OCA2: variants seen among roughly 807,000 people sequenced by gnomAD.
OCA2 encodes OCA2 melanosomal transmembrane protein.
In OCA2, 77 loss-of-function variants were observed where a neutral mutation model predicts 100.2. That is an observed-to-expected ratio of 0.77 (90% CI 0.64 to 0.93). The LOEUF (loss-of-function observed/expected upper bound fraction) is 0.93. Ranked by LOEUF, OCA2 falls within the 40% of genes least tolerant of loss-of-function variation. The pLI is 0.00. For missense variants in OCA2, 1,062 were observed against 1,089.1 expected (o/e 0.98, Z 0.35); for synonymous variants, 432 against 439.2 (o/e 0.98, Z 0.21).
At chr15:28,021,201 C>G (rs1363561750) in intron 6 of OCA2, among the ~76,000 whole-genome samples, 1 of 152,182 alleles carries the variant, frequency 6.6e-6, no homozygotes. Flanking sequence ...TCCACGGATG[C>G]CCGCCGCACT....
At chr15:27,993,345 T>A (rs975500055) in intron 9 of OCA2, among the ~76,000 whole-genome samples, 1 of 152,122 alleles carries the variant, frequency 6.6e-6, no homozygotes, top group Non-Finnish European at 1.5e-5. Context: ...TGAATAATTG[T>A]CCCCGTGTCG....
chr15:27,850,088 G>C (rs369417726), intron 22 of OCA2, among the ~76,000 whole-genome samples: 35 of 152,276 alleles, frequency 2.3e-4, no homozygotes, highest in African/African-American at 8.4e-4. Context: ...GGCACACATT[G>C]ATGTCTCTCC....
rs200280300 is a variant in OCA2 at position 28,093,661 on chromosome 15, T to C, written c.-22+5563A>G. On this transcript the variant is annotated intron_variant, in intron 1 of 23. Coordinates refer to ENST00000354638, the MANE Select transcript of OCA2 (RefSeq NM_000275.3). Reference sequence around the variant, plus strand: ...ACAAAACCCTACACGCAAATGGTCATAGAAGCTATATGAAAAATTGGAAGC... The same window carrying C: ...ACAAAACCCTACACGCAAATGGTCACAGAAGCTATATGAAAAATTGGAAGC... 1.2e-4 allele frequency among the ~76,000 whole-genome samples: 18 copies of C among 152,236 alleles called. No homozygotes were observed. In the East Asian group the frequency reaches 2.9e-3, roughly 24 times the overall value.
intron 23 of OCA2, among the ~76,000 whole-genome samples, chr15:27,789,689 T>G (rs1347361019): frequency 6.6e-6 from 1 of 152,224 alleles, no homozygotes; most frequent in African/African-American, 2.4e-5. Flanking sequence ...CTGGCTAGTC[T>G]GATTTTTATT....
chr15:27,772,232 G>A (rs892476541), intron 23 of OCA2, among the ~76,000 whole-genome samples: 7 of 152,214 alleles, frequency 4.6e-5, no homozygotes, highest in African/African-American at 1.4e-4. Flanking sequence ...GTATAAAGTA[G>A]TGACTTAATA....
chr15:28,070,044 C>A (rs2044179484), intron 2 of OCA2, among the ~76,000 whole-genome samples: 1 of 111,376 alleles, frequency 9.0e-6, no homozygotes, highest in African/African-American at 6.9e-5. Context: ...GGGAGCGCCT[C>A]TGCCCCGCCG....
chr15:27,845,827 C>T (rs567203399), intron 22 of OCA2, among the ~76,000 whole-genome samples: 1 of 152,326 alleles, frequency 6.6e-6, no homozygotes, highest in Admixed American at 6.5e-5. Flanking sequence ...CTCCATCTCT[C>T]TCTCCTTCTA....
chr15:27,732,432 A>G, the OCA2 span, among the ~76,000 whole-genome samples: 9 of 152,186 alleles, frequency 5.9e-5, no homozygotes, highest in African/African-American at 2.2e-4. Flanking sequence ...CAGCAGGCAC[A>G]GTGCTCGCAA....
At chr15:27,797,631 G>A (rs1174340190) in intron 23 of OCA2, among the ~76,000 whole-genome samples, 1 of 152,162 alleles carries the variant, frequency 6.6e-6, no homozygotes, top group African/African-American at 2.4e-5. Flanking sequence ...GGACAAAAAT[G>A]AATAGTATAA....
intron 2 of OCA2, among the ~76,000 whole-genome samples, chr15:28,057,595 C>A (rs2043741412): frequency 6.6e-6 from 1 of 152,230 alleles, no homozygotes; most frequent in South Asian, 2.1e-4. Flanking sequence ...AATGGCCCTA[C>A]TACACATACT....
intron 23 of OCA2, among the ~76,000 whole-genome samples, chr15:27,831,160 C>T (rs564268386): frequency 2.6e-5 from 4 of 151,996 alleles, no homozygotes; most frequent in South Asian, 4.2e-4. Context: ...GTGGCACGTG[C>T]CTGTAATCCC....
Position 28,032,048 on chromosome 15 carries a change from G to A in OCA2, c.326+17C>T. 1 of 1,584,656 alleles carries A rather than the reference G, an allele frequency of 6.3e-7. No individual in the cohort carries two copies. Among genetic ancestry groups the A allele is most frequent in the Non-Finnish European group, 8.7e-7 (1 of 1,152,992 alleles). On this transcript the variant is annotated intron_variant, in intron 3 of 23. Coordinates refer to ENST00000354638, the MANE Select transcript of OCA2 (RefSeq NM_000275.3). ...CTCAGAAACTCTTACTTTCATATGA[G>A]GGGGAAAATATCTCACCCTTTCTCC...
intron 19 of OCA2, among the ~76,000 whole-genome samples, chr15:27,880,547 G>A (rs984424817): frequency 6.6e-6 from 1 of 152,088 alleles, no homozygotes; most frequent in East Asian, 1.9e-4. Flanking sequence ...CAGTGAATTT[G>A]TAGTTCTCCT....
chr15:27,738,082 T>C, the OCA2 span, among the ~76,000 whole-genome samples: 1 of 152,174 alleles, frequency 6.6e-6, no homozygotes, highest in Admixed American at 6.5e-5. Context: ...TAAAGTAACA[T>C]AATCTCTTTA....
intron 22 of OCA2, 81 bp from the exon 23 acceptor site, chr15:27,845,133 C>A (rs1212052565): frequency 9.9e-7 from 1 of 1,013,034 alleles, no homozygotes; most frequent in Non-Finnish European, 1.6e-6. Flanking sequence ...ATATTTAGAT[C>A]ATCTCACAGG....
At position 28,018,560 on chromosome 15, in the gene OCA2, C is replaced by T. The variant is rs572955525; in HGVS notation, c.647-3G>A. The stretch of plus-strand genomic sequence containing the variant: ...CACGTGGCTGCTAAGGTTCACGGCT[C>T]GGAGAGTGTCAAGGAGAACCACAAG... On this transcript the variant is annotated splice_polypyrimidine_tract_variant and splice_region_variant and intron_variant, in intron 6 of 23. Transcript: ENST00000354638. 4.3e-5 allele frequency: 69 copies of T among 1,611,916 alleles called. 1 individual carries two copies. In the Admixed American group the frequency reaches 9.7e-4, roughly 23 times the overall value.
intron 9 of OCA2, among the ~76,000 whole-genome samples, chr15:28,003,170 A>C (rs1041264366): frequency 1.3e-5 from 2 of 152,228 alleles, no homozygotes; most frequent in African/African-American, 2.4e-5. Flanking sequence ...TCAGTTCCTA[A>C]GGTACAAATT....
intron 23 of OCA2, among the ~76,000 whole-genome samples, chr15:27,810,004 A>AT (rs2034010630): frequency 1.3e-5 from 2 of 152,168 alleles, no homozygotes; most frequent in Admixed American, 1.3e-4. Flanking sequence ...TTTTTACAGA[A>AT]TTTTTTTAAA....
intron 15 of OCA2, among the ~76,000 whole-genome samples, chr15:27,961,509 T>A (rs985394165): frequency 6.6e-6 from 1 of 152,228 alleles, no homozygotes; most frequent in East Asian, 1.9e-4. Context: ...CGTATGCTTA[T>A]TGCAGCACTG....
Sources: gnomAD v4.1 joint callset for allele counts (sites outside exome capture counted in the v4.1 genomes callset) on GRCh38, gnomAD v4.1.1 for gene constraint, MANE v1.5 for transcripts, NCBI Gene and HGNC (gene_info 2026-07-23, HGNC 2026-07-21) for gene names.